The following GRSF1 variants were observed in gnomAD, a reference collection of about 807,000 sequenced individuals.
GRSF1 encodes G-rich RNA sequence binding factor 1.
GRSF1 carries 50 observed loss-of-function variants against 51.1 expected under a neutral mutation model. The ratio of observed to expected loss-of-function variants is 0.98; its 90% CI spans 0.78 to 1.24. The LOEUF (loss-of-function observed/expected upper bound fraction) is 1.24. Ranked by LOEUF, GRSF1 falls within the 50% of genes most tolerant of loss-of-function variation. The probability of loss-of-function intolerance (pLI) is 0.00; values close to 1 mark genes in which losing one functional copy is unlikely to be tolerated. For synonymous variants in GRSF1, 293 were observed against 253.3 expected (o/e 1.16, Z -1.49); for missense variants, 700 against 639.7 (o/e 1.09, Z -1.02).
At position 70,817,311 on chromosome 4, in the gene GRSF1, GCAGTCCT is replaced by G. The variant is rs1201770986; in HGVS notation, c.*3569_*3575del. The G allele has an allele frequency of 6.6e-6, 1 of 151,956 alleles. No individual in the cohort carries two copies. The highest frequency in any genetic ancestry group is 1.5e-5 in the Non-Finnish European group (1 of 68,088). 9.4% of individuals were successfully genotyped at this position (151,956 alleles called of 1,614,324 possible). ...TGCAGGCTTGACTTCCCAGGCTCAA[GCAGTCCT>G]CCCACTTCAGCCTCACAAAGTGCGG... On this transcript the variant is annotated 3_prime_UTR_variant, in exon 10 of 10. Transcript: ENST00000254799.
rs1328582450 is a variant in GRSF1, at chr4:70,818,221, A to C, written c.*2666T>G. 6.6e-6 allele frequency: 1 copy of C among 152,142 alleles called. No individual in the cohort carries two copies. Among genetic ancestry groups the C allele is most frequent in the Non-Finnish European group, 1.5e-5 (1 of 68,056 alleles). The allele number at this position is 152,142 out of a possible 1,614,324, so 9.4% of individuals were successfully genotyped here. A position where few individuals can be genotyped will look rare whatever the true frequency, so the allele number is the denominator to read the frequency against. ...TGGCTAATTTTTGCATTTTCAGTAG[A>C]GCCGGAGTTTCACTAAGTTGGCCAG... On this transcript the variant is annotated 3_prime_UTR_variant, in exon 10 of 10. Coordinates refer to ENST00000254799, the MANE Select transcript of GRSF1 (RefSeq NM_002092.4).
At chr4:70,838,219 C>CAAAAAAAAAAAAA (rs35303311) in intron 1 of GRSF1, among the ~76,000 whole-genome samples, 13 of 94,598 alleles carry the variant, frequency 1.4e-4, no homozygotes, top group Admixed American at 8.8e-4. Flanking sequence ...ACTCGGTCTC[C>CAAAAAAAAAAAAA]AAAAAAAAAA....
At chr4:70,833,919 G>A (rs1205489687) in intron 2 of GRSF1, among the ~76,000 whole-genome samples, 1 of 152,132 alleles carries the variant, frequency 6.6e-6, no homozygotes, top group East Asian at 1.9e-4. Context: ...CTCACTCTGG[G>A]CATACTGCCT....
upstream of GRSF1, among the ~76,000 whole-genome samples, chr4:70,842,249 C>T (rs117533988): frequency 0.01 from 1,524 of 152,288 alleles, 20 homozygotes; most frequent in South Asian, 0.044. Context: ...GTTGAGGCCC[C>T]TCTGGAAATG....
chr4:70,835,191 C>G (rs942319818), intron 2 of GRSF1, among the ~76,000 whole-genome samples: 1 of 151,430 alleles, frequency 6.6e-6, no homozygotes, highest in African/African-American at 2.4e-5. Flanking sequence ...CGCCTGTAAT[C>G]CCAGCACTGT....
At position 70,816,833 on chromosome 4, in the gene GRSF1, CT is replaced by C. The variant is rs1299759897; in HGVS notation, c.*4053del. On this transcript the variant is annotated 3_prime_UTR_variant, in exon 10 of 10. Coordinates refer to ENST00000254799, the MANE Select transcript of GRSF1 (RefSeq NM_002092.4). ...CATGCATATAGAAAAAAAGATGAGA[CT>C]GCAGGAGGCAGGCTATGGGATAAAG... is the stretch of plus-strand genomic sequence containing the variant. The C allele has an allele frequency of 6.6e-6, 1 of 152,184 alleles. No individual in the cohort carries two copies. Among genetic ancestry groups the C allele is most frequent in the Admixed American group, 6.5e-5 (1 of 15,274 alleles). 9.4% of individuals were successfully genotyped at this position (152,184 alleles called of 1,614,324 possible). A position where few individuals can be genotyped will look rare whatever the true frequency, so the allele number is the denominator to read the frequency against.
upstream of GRSF1, chr4:70,840,019 G>A: frequency 1.9e-6 from 1 of 521,212 alleles, no homozygotes; most frequent in South Asian, 2.6e-5. Context: ...GCCCTTGGGC[G>A]GGGCTGCCCA....
intron 7 of GRSF1, 185 bp downstream of exon 7, chr4:70,825,939 A>G: frequency 1.8e-6 from 1 of 549,078 alleles, no homozygotes; most frequent in East Asian, 3.5e-5. Context: ...CACAAAAAAA[A>G]GTAATACCAA....
chr4:70,831,863 A>T (rs529944012), intron 4 of GRSF1, among the ~76,000 whole-genome samples, 189 bp from the exon 5 acceptor site: 1 of 151,720 alleles, frequency 6.6e-6, no homozygotes, highest in African/African-American at 2.4e-5. Flanking sequence ...TTTCCAGAAT[A>T]GGTAAGGTCC....
rs746770138 is a variant in GRSF1, at chr4:70,833,269, G to A, written c.519C>T (p.Cys173=). The A allele has an allele frequency of 3.1e-6, 5 of 1,613,494 alleles. No homozygotes were observed. Among genetic ancestry groups the A allele is most frequent in the African/African-American group, 1.3e-5 (1 of 75,034 alleles). Residue 173 remains cysteine, a synonymous_variant, in exon 3 of 10, where the codon TGC becomes TGT. Transcript: ENST00000254799. The part of the protein sequence containing the change: ...MEDVLNFFSD[C]RIRNGENGIH... ...TTCCATTCTCACCGTTGCGGATTCT[G>A]CAGTCTAAAAGTGTATGAGCAAAAT... is the stretch of plus-strand genomic sequence containing the variant.
Position 70,831,601 on chromosome 4 carries a change from T to C in GRSF1, c.888A>G (p.Gln296=). The C allele has an allele frequency of 6.2e-7, 1 of 1,613,728 alleles. No individual in the cohort carries two copies. The highest frequency in any genetic ancestry group is 8.5e-7 in the Non-Finnish European group (1 of 1,179,670). ...GRRKTGEAYV[Q]FEEPEMANQA... ...GGTTGGCCATTTCTGGTTCTTCAAA[T>C]TGCACATAGGCTTCCCCTGTTTTTC... The change falls in exon 5 of 10, where the codon CAA becomes CAG. Residue 296 remains glutamine, a synonymous_variant. Coordinates refer to ENST00000254799, the MANE Select transcript of GRSF1 (RefSeq NM_002092.4).
intron 1 of GRSF1, 66 bp downstream of exon 1, chr4:70,839,405 G>A (rs1734366479): frequency 6.6e-7 from 1 of 1,506,842 alleles, no homozygotes; most frequent in South Asian, 1.2e-5. Flanking sequence ...GGACGGAGGG[G>A]CGCGGGGGCG....
Position 70,833,967 on chromosome 4 carries a change from A to G in GRSF1, c.515-694T>C, listed in dbSNP as rs557054096. On this transcript the variant is annotated intron_variant, in intron 2 of 9. Coordinates refer to ENST00000254799, the MANE Select transcript of GRSF1 (RefSeq NM_002092.4). Reference sequence around the variant, plus strand: ...TGCTCCACAAGGAGCAGCTAAAAAAATTAATGAAATAGCCAGGCATGGTGG... The same window carrying G: ...TGCTCCACAAGGAGCAGCTAAAAAAGTTAATGAAATAGCCAGGCATGGTGG... 3.7e-3 allele frequency among the ~76,000 whole-genome samples: 567 copies of G among 152,338 alleles called. 3 individuals carry two copies. The highest frequency in any genetic ancestry group is 6.8e-3 in the Non-Finnish European group (465 of 68,030).
chr4:70,830,777 C>A (rs1453535442), intron 5 of GRSF1, among the ~76,000 whole-genome samples: 2 of 151,528 alleles, frequency 1.3e-5, no homozygotes, highest in African/African-American at 4.8e-5. Context: ...GAGCCAAGAT[C>A]ACACCACCGC....
rs1373240619 is a variant in GRSF1, at chr4:70,839,669, G to A, written c.159C>T (p.Leu53=). ...GGGAGGCAGCGGCCGCGGCGGCCCC[G>A]AGCAGCAGCAGCAGGCGGCGGCGGC... ...VSGRRRLLLL[L]GAAAAAASQT... Residue 53 remains leucine, a synonymous_variant, in exon 1 of 10, where the codon CTC becomes CTT. Transcript: ENST00000254799. 3.5e-6 allele frequency: 5 copies of A among 1,425,496 alleles called. No homozygotes were observed. Among genetic ancestry groups the A allele is most frequent in the Non-Finnish European group, 4.5e-6 (5 of 1,101,530 alleles). 88.3% of individuals were successfully genotyped at this position (1,425,496 alleles called of 1,614,324 possible).
At chr4:70,829,916 TA>T (rs199526354) in intron 5 of GRSF1, among the ~76,000 whole-genome samples, 18 of 147,732 alleles carry the variant, frequency 1.2e-4, no homozygotes, top group African/African-American at 3.0e-4. Context: ...CAGAAAACAG[TA>T]AAAAAAAAAA....
chr4:70,831,260 C>A (rs1297658586), intron 5 of GRSF1, among the ~76,000 whole-genome samples: 1 of 151,454 alleles, frequency 6.6e-6, no homozygotes, highest in Non-Finnish European at 1.5e-5. Context: ...GAGGCTGAGG[C>A]AGGAGAATCG....
rs1733454144 is a variant in GRSF1 at position 70,820,384 on chromosome 4, A to T, written c.*503T>A. On this transcript the variant is annotated 3_prime_UTR_variant, in exon 10 of 10. Coordinates refer to ENST00000254799, the MANE Select transcript of GRSF1 (RefSeq NM_002092.4). The stretch of plus-strand genomic sequence containing the variant: ...CAGCAAAATTTAAAACTATTCTGCC[A>T]AACCATACCAGTTCAAAGGTCTGAA... 6.6e-6 allele frequency: 1 copy of T among 152,664 alleles called. No individual in the cohort carries two copies. The highest frequency in any genetic ancestry group is 2.4e-5 in the African/African-American group (1 of 41,464). 9.5% of individuals were successfully genotyped at this position (152,664 alleles called of 1,614,324 possible).
At position 70,839,536 on chromosome 4, in the gene GRSF1, G is replaced by A. The variant is rs750576594; in HGVS notation, c.292C>T (p.Arg98Cys). 4 of 1,445,912 alleles carry A rather than the reference G, an allele frequency of 2.8e-6. No homozygotes were observed. In the East Asian group the frequency reaches 9.0e-5, roughly 33 times the overall value. 89.6% of individuals were successfully genotyped at this position (1,445,912 alleles called of 1,614,324 possible). The change falls in exon 1 of 10, where the codon CGT becomes TGT. Residue 98 changes from arginine to cysteine, a missense_variant. Coordinates refer to ENST00000254799, the MANE Select transcript of GRSF1 (RefSeq NM_002092.4). ...AGCGACTGCGGCAGCAGAGAGGCAC[G>A]GAGGGCAGAGTAGGACGCGGCGGCC... ...AAAAASYSAL[R>C]ASLLPQSLAA...
Sources: gnomAD v4.1 joint callset for allele counts (sites outside exome capture counted in the v4.1 genomes callset) on GRCh38, gnomAD v4.1.1 for gene constraint, MANE v1.5 for transcripts, NCBI Gene and HGNC (gene_info 2026-07-23, HGNC 2026-07-21) for gene names.